The following GORASP2 variants were observed in gnomAD, a reference collection of about 807,000 sequenced individuals.
GORASP2 encodes the protein golgi reassembly stacking protein 2, also known as Golgi reassembly-stacking protein 2.
Under a neutral mutation model 45.7 loss-of-function variants are expected in GORASP2, and 22 were observed. That is an observed-to-expected ratio of 0.48 (90% CI 0.34 to 0.69). GORASP2 has a LOEUF of 0.69. Ranked by LOEUF, GORASP2 falls within the 30% of genes least tolerant of loss-of-function variation. The pLI, the probability that GORASP2 is intolerant of heterozygous loss-of-function variation, is 0.01. For missense variants in GORASP2, 491 were observed against 562.7 expected, an observed-to-expected ratio of 0.87 and a Z score of 1.29; for synonymous variants, 221 against 215.6, an observed-to-expected ratio of 1.02 and a Z score of -0.22.
chr2:170,938,312 A>G (rs925227811), intron 1 of GORASP2, among the ~76,000 whole-genome samples: 14 of 152,298 alleles, frequency 9.2e-5, no homozygotes, highest in Middle Eastern at 3.4e-3. Flanking sequence ...CATTTTTAGT[A>G]TTTTTATTTG....
At chr2:170,954,593 C>G (rs977071651) in intron 5 of GORASP2, 57 bp from the exon 6 acceptor site, 26 of 1,513,644 alleles carry the variant, frequency 1.7e-5, no homozygotes, top group Non-Finnish European at 2.3e-5. Context: ...AAAAAAACAC[C>G]TCAAAGAAAT....
intron 5 of GORASP2, chr2:170,954,402 G>C (rs1553598852): frequency 4.7e-6 from 2 of 423,516 alleles, no homozygotes; most frequent in Non-Finnish European, 8.5e-6. Context: ...AGGAGTAAGG[G>C]TGATATCCAC....
intron 9 of GORASP2, 129 bp from the exon 10 acceptor site, chr2:170,965,661 G>C: frequency 2.9e-6 from 2 of 685,734 alleles, no homozygotes; most frequent in Non-Finnish European, 5.1e-6. Flanking sequence ...AATCAGCCAA[G>C]GTTGTGATTT....
Position 170,949,623 on chromosome 2 carries a change from T to C in GORASP2, c.229T>C (p.Leu77=), listed in dbSNP as rs770744071. 6.2e-6 allele frequency: 10 copies of C among 1,613,820 alleles called. No homozygotes were observed. In the East Asian group the frequency reaches 8.9e-5, roughly 14 times the overall value. ...VKMLIYSSKT[L]ELRETSVTPS... is the part of the protein sequence containing the mutation. The stretch of plus-strand genomic sequence containing the variant: ...GATGCTTATCTATAGCAGCAAAACA[T>C]TGGAACTGCGAGAGACCTCAGTCAC... The change falls in exon 3 of 10, where the codon TTG becomes CTG. Residue 77 remains leucine (L), a synonymous_variant. Coordinates refer to ENST00000234160, the MANE Select transcript of GORASP2 (RefSeq NM_015530.5).
At chr2:170,948,254 A>G (rs1185213977) in intron 1 of GORASP2, 96 bp from the exon 2 acceptor site, 17 of 733,164 alleles carry the variant, frequency 2.3e-5, no homozygotes, top group Middle Eastern at 2.3e-4. Context: ...TTTCATTATC[A>G]GTGAAATTGG....
At chr2:170,938,499 C>T (rs778034272) in intron 1 of GORASP2, among the ~76,000 whole-genome samples, 4 of 152,118 alleles carry the variant, frequency 2.6e-5, no homozygotes, top group South Asian at 2.1e-4. Flanking sequence ...TAATTTTAAA[C>T]GGGGAGTGCC....
At chr2:170,954,365 G>A in intron 5 of GORASP2, 4 of 295,266 alleles carry the variant, frequency 1.4e-5, no homozygotes, top group South Asian at 6.7e-5. Context: ...GCAGTGTGTT[G>A]GATGGTGATG....
intron 7 of GORASP2, among the ~76,000 whole-genome samples, chr2:170,959,393 T>C (rs1449661840): frequency 6.6e-6 from 1 of 152,206 alleles, no homozygotes; most frequent in Non-Finnish European, 1.5e-5. Flanking sequence ...TGCACGGAGC[T>C]CCCTGGCTTA....
chr2:170,929,725 C>T (rs750695641), intron 1 of GORASP2: 36 of 574,424 alleles, frequency 6.3e-5, no homozygotes, highest in Middle Eastern at 4.8e-4. Flanking sequence ...TCTCCTCCAC[C>T]CCCCCTCATT....
In GORASP2 at chr2:170,954,643, T is replaced by C. The variant is rs1704380943; in HGVS notation, c.567-7T>C. 6.2e-7 allele frequency: 1 copy of C among 1,600,202 alleles called. No homozygotes were observed. Among genetic ancestry groups the C allele is most frequent in the Admixed American group, 1.7e-5 (1 of 57,272 alleles). On this transcript the variant is annotated splice_polypyrimidine_tract_variant and splice_region_variant and intron_variant, in intron 5 of 9. Coordinates refer to ENST00000234160, the MANE Select transcript of GORASP2 (RefSeq NM_015530.5). ...ATAACAACGTTAAGAAAAAAATGTT[T>C]TTATAGCCTAGGATGTGGCATTGGA...
intron 5 of GORASP2, chr2:170,951,748 A>G (rs960406101): frequency 1.7e-5 from 3 of 180,746 alleles, no homozygotes; most frequent in African/African-American, 7.0e-5. Context: ...AAAGCCTAGA[A>G]TTTGGAAACA....
chr2:170,937,338 A>C (rs1703980696), intron 1 of GORASP2, among the ~76,000 whole-genome samples: 1 of 152,086 alleles, frequency 6.6e-6, no homozygotes, highest in Admixed American at 6.6e-5. Context: ...CCTTCCAAGT[A>C]GTTGGGACTA....
intron 7 of GORASP2, among the ~76,000 whole-genome samples, chr2:170,957,401 C>G (rs1485796052): frequency 6.6e-6 from 1 of 152,192 alleles, no homozygotes; most frequent in Non-Finnish European, 1.5e-5. Flanking sequence ...CTCAGCCTCC[C>G]AAGTGGCAGG....
At chr2:170,944,171 T>C (rs1704134291) in intron 1 of GORASP2, among the ~76,000 whole-genome samples, 1 of 152,190 alleles carries the variant, frequency 6.6e-6, no homozygotes, top group African/African-American at 2.4e-5. Flanking sequence ...AATCTGATGC[T>C]TGAGAGATTA....
At position 170,961,750 on chromosome 2, in the gene GORASP2, G is replaced by C; in HGVS notation, c.910+1G>C. On this transcript the variant is annotated splice_donor_variant, in intron 8 of 9. Transcript: ENST00000234160. LOFTEE classifies it high-confidence loss of function. ...ATGAATCCAGCTACTACATTACCAG[G>C]TAACCACCAGGGGACTAGAGATGTG... 1 of 1,477,948 alleles carries C rather than the reference G, an allele frequency of 6.8e-7. No individual in the cohort carries two copies. Among genetic ancestry groups the C allele is most frequent in the Non-Finnish European group, 9.5e-7 (1 of 1,055,648 alleles). 91.6% of individuals were successfully genotyped at this position (1,477,948 alleles called of 1,614,324 possible).
At chr2:170,934,318 C>T (rs1263328797) in intron 1 of GORASP2, among the ~76,000 whole-genome samples, 2 of 151,292 alleles carry the variant, frequency 1.3e-5, no homozygotes, top group African/African-American at 2.4e-5. Context: ...TTTTGTTGCC[C>T]AGGCTGGAGT....
At chr2:170,961,299 T>G (rs1382848463) in intron 7 of GORASP2, among the ~76,000 whole-genome samples, 1 of 152,236 alleles carries the variant, frequency 6.6e-6, no homozygotes, top group Admixed American at 6.5e-5. Flanking sequence ...CATCTTAGTT[T>G]AGGAGCCCAG....
rs891094271 is a variant in GORASP2 at position 170,942,964 on chromosome 2, A to G, written c.64-5386A>G. Among the ~76,000 whole-genome samples the G allele has an allele frequency of 4.6e-5, 7 of 152,212 alleles. No individual in the cohort carries two copies. In the East Asian group the frequency reaches 5.8e-4, roughly 13 times the overall value. The stretch of plus-strand genomic sequence containing the variant: ...TTTCTGAACGCTTTACAGTAGTTCA[A>G]GATTTCTTCTGGATACAGATCCTTT... On this transcript the variant is annotated intron_variant, in intron 1 of 9. Coordinates refer to ENST00000234160, the MANE Select transcript of GORASP2 (RefSeq NM_015530.5).
intron 1 of GORASP2, among the ~76,000 whole-genome samples, chr2:170,934,823 C>T (rs1032687057): frequency 1.3e-5 from 2 of 151,910 alleles, no homozygotes; most frequent in Non-Finnish European, 2.9e-5. Flanking sequence ...CTGCAACCTC[C>T]GCCTCCGAAG....
Sources: gnomAD v4.1 joint callset for allele counts (sites outside exome capture counted in the v4.1 genomes callset) on GRCh38, gnomAD v4.1.1 for gene constraint, MANE v1.5 for transcripts, NCBI Gene and HGNC (gene_info 2026-07-23, HGNC 2026-07-21) for gene names.